Variants in SPDYE1 observed in about 807,000 individuals in gnomAD.
SPDYE1 encodes speedy protein E1.
A neutral mutation model predicts 45.9 loss-of-function variants in SPDYE1; 29 were observed. That is an observed-to-expected ratio of 0.63 (90% CI 0.47 to 0.86). The LOEUF is 0.86. Among genes scored for constraint, SPDYE1 ranks in the 40% least tolerant of loss-of-function variants. The pLI is 0.00. For synonymous variants in SPDYE1, 134 were observed against 176.8 expected, an observed-to-expected ratio of 0.76 and a Z score of 1.92; for missense variants, 346 against 481.4, an observed-to-expected ratio of 0.72 and a Z score of 2.63.
rs61330900 is a variant in SPDYE1, at chr7:44,000,094, G to A, written c.145G>A (p.Val49Met). 2 of 984,200 alleles carry A rather than the reference G, an allele frequency of 2.0e-6. No homozygotes were observed. The highest frequency in any genetic ancestry group is 1.2e-4 in the East Asian group (1 of 8,668). 61.0% of individuals were successfully genotyped at this position (984,200 alleles called of 1,614,324 possible). Reference sequence around the variant, plus strand: ...CCTCCAGGAGGTGGTGGATGATGAAGTGTTGGGACCATCAGGTGAGGGGAC... The same window carrying A: ...CCTCCAGGAGGTGGTGGATGATGAAATGTTGGGACCATCAGGTGAGGGGAC... ...YPLQEVVDDE[V>M]LGPSAPGVDP... Residue 49 changes from valine (V) to methionine (M), a missense_variant, in exon 2 of 9, where the codon GTG (valine) becomes ATG (methionine). Physicochemically the swap from Val to Met is conservative, Grantham distance 21 (BLOSUM62 1). This residue lies in a region of SPDYE1 where 15 missense variants were observed against 60.5 expected (regional missense o/e 0.25). Coordinates refer to ENST00000693451, the MANE Select transcript of SPDYE1 (RefSeq NM_001378423.2).
chr7:44,000,458 C>T (rs998000170), intron 2 of SPDYE1, among the ~76,000 whole-genome samples: 8 of 148,208 alleles, frequency 5.4e-5, no homozygotes, highest in East Asian at 2.0e-4. Context: ...GAAGGGTCAG[C>T]GGTCAGGAAG....
intron 8 of SPDYE1, 31 bp downstream of exon 8, chr7:44,007,844 A>G: frequency 1.3e-6 from 2 of 1,594,066 alleles, no homozygotes; most frequent in Non-Finnish European, 1.7e-6. Context: ...GTAAAGGCAG[A>G]ATATTGGGGT....
Position 44,005,164 on chromosome 7 carries a change from C to T in SPDYE1, c.689C>T (p.Ala230Val), listed in dbSNP as rs115264255. The change falls in exon 6 of 9, where the codon GCG becomes GTG. Residue 230 changes from alanine to valine, a missense_variant. This residue lies in a region of SPDYE1 where 186 missense variants were observed against 219.1 expected (regional missense o/e 0.85). Transcript: ENST00000693451. ...CAGTATCTCCTTGCTATGGTCATAG[C>T]GTATTTCAGCCGAGCCGGCTTCCCC... The part of the protein sequence containing the change: ...SDKYLLAMVI[A>V]YFSRAGFPSW... 2,429 of 1,611,922 alleles carry T rather than the reference C, an allele frequency of 1.5e-3. 37 individuals carry two copies. The African/African-American group carries it at 0.029, about 19-fold the overall frequency.
intron 3 of SPDYE1, among the ~76,000 whole-genome samples, chr7:44,001,832 C>T (rs1395038151): frequency 6.6e-6 from 1 of 151,472 alleles, no homozygotes; most frequent in African/African-American, 2.4e-5. Flanking sequence ...CCCAGCTACT[C>T]GGGAGGCTGA....
At chr7:44,004,272 C>A (rs1430403544) in intron 5 of SPDYE1, 8 of 375,190 alleles carry the variant, frequency 2.1e-5, no homozygotes, top group Non-Finnish European at 4.0e-5. Context: ...TGACCTCAGG[C>A]AATCCACCCA....
intron 3 of SPDYE1, among the ~76,000 whole-genome samples, chr7:44,002,215 G>A (rs1246344192): frequency 6.7e-6 from 1 of 149,524 alleles, no homozygotes; most frequent in Non-Finnish European, 1.5e-5. Flanking sequence ...GGCTTAGGCA[G>A]GAGAATCACT....
At chr7:44,006,191 C>T (rs962062559) in intron 6 of SPDYE1, among the ~76,000 whole-genome samples, 3 of 152,142 alleles carry the variant, frequency 2.0e-5, no homozygotes, top group African/African-American at 7.2e-5. Context: ...AAATGCCCTC[C>T]ACTCGACTTT....
In SPDYE1 at chr7:44,007,420, G is replaced by A. The variant is rs544063917; in HGVS notation, c.905G>A (p.Arg302His). 42 of 1,612,020 alleles carry A rather than the reference G, an allele frequency of 2.6e-5. No individual in the cohort carries two copies. Among genetic ancestry groups the A allele is most frequent in the African/African-American group, 2.0e-4 (15 of 74,892 alleles). The change falls in exon 7 of 9, where the codon CGC (arginine) becomes CAC (histidine). Residue 302 changes from arginine to histidine, a missense_variant. Arg to His is a conservative substitution (Grantham distance 29). Around this residue, in one of 4 missense-constraint regions of SPDYE1, gnomAD observed 186 missense variants for 219.1 expected, o/e 0.85. Coordinates refer to ENST00000693451, the MANE Select transcript of SPDYE1 (RefSeq NM_001378423.2). ...RSMNPRARKN[R>H]SHIPLVRKRR... ...ATGAACCCGAGGGCCAGGAAGAACC[G>A]CTCTCACATACCCTTGGTCCGTAAG... is the stretch of plus-strand genomic sequence containing the variant.
At chr7:44,006,587 G>A (rs1014876048) in intron 6 of SPDYE1, among the ~76,000 whole-genome samples, 1 of 151,642 alleles carries the variant, frequency 6.6e-6, no homozygotes, top group Non-Finnish European at 1.5e-5. Context: ...CCGACTACAG[G>A]GCTGTGCCAC....
At chr7:43,998,806 T>C (rs1311934227) in intron 1 of SPDYE1, among the ~76,000 whole-genome samples, 2 of 135,326 alleles carry the variant, frequency 1.5e-5, no homozygotes, top group African/African-American at 5.7e-5. Flanking sequence ...TCCCAAGTAG[T>C]TGGAACACAG....
At chr7:44,006,839 C>T (rs564437614) in intron 6 of SPDYE1, among the ~76,000 whole-genome samples, 1,872 of 152,332 alleles carry the variant, frequency 0.012, 20 homozygotes, top group Middle Eastern at 0.041. Context: ...GTCTCCAACT[C>T]CTGGTCTCAA....
intron 3 of SPDYE1, among the ~76,000 whole-genome samples, chr7:44,001,953 A>G (rs928409635): frequency 3.3e-5 from 5 of 151,438 alleles, no homozygotes; most frequent in East Asian, 3.9e-4. Context: ...AAAAAAAAAA[A>G]AAGAAGGAAG....
intron 6 of SPDYE1, 93 bp from the exon 7 acceptor site, chr7:44,007,175 A>G: frequency 1.9e-6 from 3 of 1,608,646 alleles, no homozygotes; most frequent in East Asian, 2.2e-5. Flanking sequence ...CTGAGCTAGG[A>G]ACGGTCCCTT....
At chr7:44,002,863 A>G in intron 4 of SPDYE1, 46 bp downstream of exon 4, 1 of 1,211,362 alleles carries the variant, frequency 8.3e-7, no homozygotes, top group Non-Finnish European at 1.1e-6. Flanking sequence ...TTCTTTCCAA[A>G]AACAGGAAAC....
chr7:44,007,584 G>C lies in SPDYE1; in HGVS notation c.1069G>C (p.Glu357Gln), dbSNP rs1330937999. 1.2e-6 allele frequency: 2 copies of C among 1,613,040 alleles called. No individual in the cohort carries two copies. The highest frequency in any genetic ancestry group is 2.2e-5 in the South Asian group (2 of 91,032). ...TTGGGTTTCCCCAGAGGAGTTGGAG[G>C]AGGTGAGTGGGGCCTGGGGAGGTGG... ...RAWVSPEELE[E>Q]IQAYDPEHWV... Residue 357 changes from glutamate (E) to glutamine (Q), a missense_variant and splice_region_variant, in exon 7 of 9, where the codon GAG becomes CAG. This residue lies in a region of SPDYE1 where 186 missense variants were observed against 219.1 expected (regional missense o/e 0.85). Coordinates refer to ENST00000693451, the MANE Select transcript of SPDYE1 (RefSeq NM_001378423.2).
intron 3 of SPDYE1, 117 bp downstream of exon 3, chr7:44,001,401 C>T: frequency 2.6e-6 from 4 of 1,530,544 alleles, no homozygotes; most frequent in Non-Finnish European, 3.5e-6. Context: ...GATCTCCACG[C>T]AGGAGGACTC....
chr7:44,007,240 T>C (rs778710650), intron 6 of SPDYE1, 28 bp from the exon 7 acceptor site: 4 of 1,612,208 alleles, frequency 2.5e-6, no homozygotes, highest in Admixed American at 1.7e-5. Context: ...GTGGTGCCCC[T>C]GAGCAGCAAC....
chr7:43,999,072 A>G (rs1440124625), intron 1 of SPDYE1, among the ~76,000 whole-genome samples: 1 of 151,576 alleles, frequency 6.6e-6, no homozygotes, highest in Admixed American at 6.6e-5. Context: ...AGCAATACAT[A>G]TGATACAAAA....
chr7:44,007,891 C>T (rs4049500), intron 8 of SPDYE1, 78 bp downstream of exon 8: 17 of 1,554,746 alleles, frequency 1.1e-5, no homozygotes, highest in South Asian at 1.0e-4. Flanking sequence ...TTGCTTGATC[C>T]GGCTTCAAGC....
Sources: gnomAD v4.1 joint callset for allele counts (sites outside exome capture counted in the v4.1 genomes callset) on GRCh38, gnomAD v4.1.1 for gene constraint, gnomAD v4.1.1 regional missense constraint, MANE v1.5 for transcripts, NCBI Gene and HGNC (gene_info 2026-07-23, HGNC 2026-07-21) for gene names.